NTRK2: variants seen among roughly 807,000 people sequenced by gnomAD.
NTRK2 encodes the protein BDNF/NT-3 growth factors receptor.
In NTRK2, 13 loss-of-function variants were observed where a neutral mutation model predicts 94.5. The ratio of observed to expected loss-of-function variants is 0.14; its 90% CI spans 0.09 to 0.22. The LOEUF (loss-of-function observed/expected upper bound fraction) is 0.22, where lower values mean the gene tolerates loss of function less well. NTRK2 is among the 10% of genes least tolerant of loss of function. The probability of loss-of-function intolerance (pLI) is 1.00; values close to 1 mark genes in which losing one functional copy is unlikely to be tolerated. For missense variants in NTRK2, 639 were observed against 1,071.2 expected (o/e 0.60, Z 5.63); for synonymous variants, 372 against 407.4 (o/e 0.91, Z 1.05).
chr9:84,935,478 G>C (rs1800235364), intron 15 of NTRK2, among the ~76,000 whole-genome samples: 1 of 152,184 alleles, frequency 6.6e-6, no homozygotes, highest in African/African-American at 2.4e-5. Context: ...ACTAACCAAG[G>C]TGGCATGATA....
intron 12 of NTRK2, chr9:84,813,534 T>C: frequency 9.4e-7 from 1 of 1,065,426 alleles, no homozygotes; most frequent in Non-Finnish European, 1.1e-6. Context: ...AGGGCTTTGT[T>C]ACCACAAGCT....
chr9:84,722,817 GT>G (rs1032658182), intron 6 of NTRK2, among the ~76,000 whole-genome samples: 8 of 152,190 alleles, frequency 5.3e-5, no homozygotes, highest in African/African-American at 1.9e-4. Context: ...TATTAAAAAT[GT>G]TTATGAGGTT....
chr9:84,927,967 T>G (rs920798286), intron 14 of NTRK2, among the ~76,000 whole-genome samples: 1 of 152,234 alleles, frequency 6.6e-6, no homozygotes, highest in African/African-American at 2.4e-5. Flanking sequence ...GCTATTGACC[T>G]CATTCAGAGG....
chr9:84,954,867 A>G (rs1324451743), intron 16 of NTRK2, among the ~76,000 whole-genome samples: 1 of 152,166 alleles, frequency 6.6e-6, no homozygotes, highest in Admixed American at 6.5e-5. Context: ...TCCCACTAGG[A>G]GAGTCCATCT....
chr9:84,786,848 A>T (rs1008853274), intron 12 of NTRK2, among the ~76,000 whole-genome samples: 5 of 152,148 alleles, frequency 3.3e-5, no homozygotes, highest in African/African-American at 1.2e-4. Flanking sequence ...TGCATGAGTG[A>T]TCCTGAAAAA....
intron 12 of NTRK2, among the ~76,000 whole-genome samples, chr9:84,816,290 C>T (rs145285848): frequency 1.6e-3 from 244 of 152,214 alleles, no homozygotes; most frequent in Non-Finnish European, 2.8e-3. Flanking sequence ...CTGCATGGTT[C>T]CTGCCCCATT....
intron 14 of NTRK2, among the ~76,000 whole-genome samples, chr9:84,919,783 C>A (rs140729782): frequency 1.2e-3 from 185 of 152,280 alleles, no homozygotes; most frequent in African/African-American, 4.3e-3. Context: ...CACCATATAA[C>A]ATTTATTGTA....
At chr9:84,679,165 C>G (rs1328104139) in intron 2 of NTRK2, among the ~76,000 whole-genome samples, 1 of 152,182 alleles carries the variant, frequency 6.6e-6, no homozygotes, top group Non-Finnish European at 1.5e-5. Flanking sequence ...CAATACATTT[C>G]TGTTGTTATA....
At chr9:84,687,410 C>A (rs540410200) in intron 2 of NTRK2, among the ~76,000 whole-genome samples, 57 of 152,182 alleles carry the variant, frequency 3.7e-4, no homozygotes, top group Non-Finnish European at 7.5e-4. Context: ...ATCAGGTAAC[C>A]CTGGAGTGAT....
intron 15 of NTRK2, among the ~76,000 whole-genome samples, chr9:84,936,818 T>G (rs1417940495): frequency 6.6e-6 from 1 of 152,166 alleles, no homozygotes; most frequent in Non-Finnish European, 1.5e-5. Flanking sequence ...AACTTCATGG[T>G]CACAAACTTA....
intron 12 of NTRK2, among the ~76,000 whole-genome samples, chr9:84,851,114 G>T (rs944071340): frequency 2.0e-5 from 3 of 152,070 alleles, no homozygotes; most frequent in Non-Finnish European, 2.9e-5. Context: ...GATGCTCCTA[G>T]CACACACTCT....
intron 14 of NTRK2, among the ~76,000 whole-genome samples, chr9:84,882,719 T>TGTGTGTGCGCGCGCGCGCGCGCGCGCGC (rs761042296): frequency 6.9e-6 from 1 of 145,742 alleles, no homozygotes; most frequent in African/African-American, 2.6e-5. Context: ...TGTGTGTGTG[T>TGTGTGTGCGCGCGCGCGCGCGCGCGCGC]GCGCGCGCGC....
chr9:84,690,578 C>T (rs1383862672), intron 2 of NTRK2, among the ~76,000 whole-genome samples: 10 of 151,698 alleles, frequency 6.6e-5, no homozygotes, highest in South Asian at 4.2e-4. Context: ...GCATGGTGGC[C>T]GGTGGTGGCA....
chr9:84,909,663 T>C (rs1304662665), intron 14 of NTRK2, among the ~76,000 whole-genome samples: 1 of 152,190 alleles, frequency 6.6e-6, no homozygotes, highest in Non-Finnish European at 1.5e-5. Flanking sequence ...GCTTTCACCC[T>C]GCATTTCCCT....
At position 84,742,789 on chromosome 9, in the gene NTRK2, G is replaced by GTTTTTTTTTTT. The variant is rs757253032; in HGVS notation, c.1195+879_1195+889dup. Among the ~76,000 whole-genome samples the GTTTTTTTTTTT allele has an allele frequency of 1.1e-3, 110 of 103,664 alleles. 10 individuals are homozygous for GTTTTTTTTTTT. Among genetic ancestry groups the GTTTTTTTTTTT allele is most frequent in the African/African-American group, 4.2e-3 (104 of 24,850 alleles). The allele number at this position is 103,664 out of a possible 152,430, so 68.0% of individuals were successfully genotyped here. ...AAAGAAACCAAAGTCCATTATATTA[G>GTTTTTTTTTTT]TTTTTTTTTTTTTTTTTTTTTTTTT... On this transcript the variant is annotated intron_variant, in intron 10 of 18. Coordinates refer to ENST00000277120, the MANE Select transcript of NTRK2 (RefSeq NM_006180.6).
intron 12 of NTRK2, among the ~76,000 whole-genome samples, chr9:84,780,984 TG>T (rs2067508183): frequency 6.6e-6 from 1 of 152,194 alleles, no homozygotes; most frequent in Non-Finnish European, 1.5e-5. Flanking sequence ...ATTCTATATT[TG>T]AGTCTTTTTT....
intron 17 of NTRK2, among the ~76,000 whole-genome samples, chr9:84,957,299 G>T (rs1337699719): frequency 6.6e-6 from 1 of 152,180 alleles, no homozygotes; most frequent in African/African-American, 2.4e-5. Flanking sequence ...CAAATCAATA[G>T]ACATACACTT....
intron 12 of NTRK2, among the ~76,000 whole-genome samples, chr9:84,858,299 T>C (rs2075163764): frequency 6.6e-6 from 1 of 152,198 alleles, no homozygotes; most frequent in South Asian, 2.1e-4. Context: ...CTAAAATTAA[T>C]CTTTACAATG....
At chr9:84,896,493 G>A (rs1170706256) in intron 14 of NTRK2, among the ~76,000 whole-genome samples, 1 of 152,180 alleles carries the variant, frequency 6.6e-6, no homozygotes, top group African/African-American at 2.4e-5. Flanking sequence ...AAAGAAAGAA[G>A]TAATTTCATG....
Sources: gnomAD v4.1 joint callset for allele counts (sites outside exome capture counted in the v4.1 genomes callset) on GRCh38, gnomAD v4.1.1 for gene constraint, MANE v1.5 for transcripts, NCBI Gene and HGNC (gene_info 2026-07-23, HGNC 2026-07-21) for gene names.